PIP5K1B: variants seen among roughly 807,000 people sequenced by gnomAD.
The protein encoded by PIP5K1B is phosphatidylinositol-4-phosphate 5-kinase type 1 beta.
PIP5K1B carries 42 observed loss-of-function variants against 67.0 expected under a neutral mutation model. That is an observed-to-expected ratio of 0.63 (90% CI 0.49 to 0.81). PIP5K1B has a LOEUF of 0.81. Ranked by LOEUF, PIP5K1B falls within the 30% of genes least tolerant of loss-of-function variation. PIP5K1B has a pLI of 0.00. For synonymous variants in PIP5K1B, 214 were observed against 231.4 expected (o/e 0.92, Z 0.68); for missense variants, 459 against 646.3 (o/e 0.71, Z 3.14).
At chr9:68,930,681 A>G (rs1374601411) in intron 12 of PIP5K1B, among the ~76,000 whole-genome samples, 2 of 151,934 alleles carry the variant, frequency 1.3e-5, no homozygotes, top group East Asian at 3.9e-4. Flanking sequence ...ATTTCCACAC[A>G]CACACACTGC....
intron 2 of PIP5K1B, among the ~76,000 whole-genome samples, chr9:68,773,278 G>A (rs1486620488): frequency 1.3e-5 from 2 of 152,252 alleles, no homozygotes; most frequent in Non-Finnish European, 2.9e-5. Flanking sequence ...GGGAAGGATA[G>A]TAGACAGACA....
intron 2 of PIP5K1B, among the ~76,000 whole-genome samples, chr9:68,758,562 A>T (rs1044601507): frequency 6.6e-6 from 1 of 152,124 alleles, no homozygotes; most frequent in Non-Finnish European, 1.5e-5. Context: ...ATTGTACAAT[A>T]CGAACAACAA....
chr9:69,003,058 G>A (rs1031092847), intron 15 of PIP5K1B, among the ~76,000 whole-genome samples: 17 of 152,060 alleles, frequency 1.1e-4, no homozygotes, highest in Admixed American at 7.2e-4. Context: ...AGGGGACCCC[G>A]GAGCCAAGGA....
Position 68,917,740 on chromosome 9 carries a change from A to T in PIP5K1B, c.964A>T (p.Ile322Phe), listed in dbSNP as rs1242263340. The T allele has an allele frequency of 6.2e-7, 1 of 1,613,794 alleles. No homozygotes were observed. Among genetic ancestry groups the T allele is most frequent in the African/African-American group, 1.3e-5 (1 of 74,924 alleles). The change falls in exon 9 of 16, where the codon ATC (isoleucine) becomes TTC (phenylalanine). Residue 322 changes from isoleucine to phenylalanine, a missense_variant. Ile to Phe is a conservative substitution (Grantham distance 21). Coordinates refer to ENST00000265382, the MANE Select transcript of PIP5K1B (RefSeq NM_003558.4). ...QGPGKSGDGI[I>F]TENPDTMGGI... ...TCCAGGGAAATCTGGAGATGGGATA[A>T]TCACAGAGAACCCAGACACGTAAGT... is the stretch of plus-strand genomic sequence containing the variant.
intron 2 of PIP5K1B, among the ~76,000 whole-genome samples, chr9:68,796,322 A>G (rs200751487): frequency 1.6e-3 from 7 of 4,508 alleles, no homozygotes; most frequent in Admixed American, 5.1e-3. Context: ...TTTTTCCTCA[A>G]TTACAATGTT....
intron 4 of PIP5K1B, among the ~76,000 whole-genome samples, chr9:68,824,655 A>T (rs1272867726): frequency 6.6e-6 from 1 of 152,216 alleles, no homozygotes; most frequent in East Asian, 1.9e-4. Context: ...GAAGACCAGC[A>T]CAGCACTTAG....
intron 8 of PIP5K1B, among the ~76,000 whole-genome samples, chr9:68,903,073 A>G (rs2132448695): frequency 6.6e-6 from 1 of 152,326 alleles, no homozygotes; most frequent in Non-Finnish European, 1.5e-5. Flanking sequence ...ATCTAAATCT[A>G]TTCTACAGCC....
chr9:68,732,454 C>T (rs1349267916), intron 1 of PIP5K1B, among the ~76,000 whole-genome samples: 1 of 152,208 alleles, frequency 6.6e-6, no homozygotes, highest in Non-Finnish European at 1.5e-5. Context: ...AATTCATTCT[C>T]TTCCCACGTC....
At chr9:68,784,814 G>A (rs188941144) in intron 2 of PIP5K1B, among the ~76,000 whole-genome samples, 118 of 152,300 alleles carry the variant, frequency 7.7e-4, no homozygotes, top group African/African-American at 2.6e-3. Flanking sequence ...TCTGAAACAG[G>A]AGGGAGAGTG....
chr9:68,954,525 A>G (rs1252367880), intron 14 of PIP5K1B, among the ~76,000 whole-genome samples: 1 of 152,226 alleles, frequency 6.6e-6, no homozygotes, highest in Admixed American at 6.5e-5. Context: ...AAAATCATTA[A>G]TAATGAGTTA....
At chr9:68,773,565 G>C (rs1196946580) in intron 2 of PIP5K1B, among the ~76,000 whole-genome samples, 2 of 152,202 alleles carry the variant, frequency 1.3e-5, no homozygotes, top group African/African-American at 2.4e-5. Context: ...TTGTTTACTT[G>C]AATTGTGCTG....
chr9:68,981,935 G>C (rs1310950746), intron 14 of PIP5K1B, among the ~76,000 whole-genome samples: 1 of 152,144 alleles, frequency 6.6e-6, no homozygotes, highest in African/African-American at 2.4e-5. Flanking sequence ...TGACTTGTTC[G>C]GAGAGCAGAG....
At chr9:68,713,351 A>G (rs1239769741) in intron 1 of PIP5K1B, among the ~76,000 whole-genome samples, 1 of 152,202 alleles carries the variant, frequency 6.6e-6, no homozygotes, top group African/African-American at 2.4e-5. Flanking sequence ...ATGAGCCAAG[A>G]TCGCACCATT....
chr9:68,940,319 A>G (rs1361221824), intron 13 of PIP5K1B, among the ~76,000 whole-genome samples: 1 of 152,190 alleles, frequency 6.6e-6, no homozygotes, highest in Non-Finnish European at 1.5e-5. Context: ...ATCTCTGCCA[A>G]ATTGTCTGCT....
At chr9:68,843,695 G>C (rs940320369) in intron 4 of PIP5K1B, among the ~76,000 whole-genome samples, 2 of 152,174 alleles carry the variant, frequency 1.3e-5, no homozygotes, top group African/African-American at 4.8e-5. Context: ...TAAATTCGGA[G>C]AGTGAGCCAC....
intron 2 of PIP5K1B, chr9:68,788,751 T>C: frequency 3.7e-6 from 1 of 272,060 alleles, no homozygotes; most frequent in Non-Finnish European, 7.5e-6. Flanking sequence ...TATCACTCCC[T>C]CTGTGGTCTT....
intron 14 of PIP5K1B, among the ~76,000 whole-genome samples, chr9:68,965,246 A>AAGAT (rs1366603510): frequency 2.0e-5 from 3 of 152,248 alleles, no homozygotes; most frequent in African/African-American, 7.2e-5. Context: ...GAATATATAT[A>AAGAT]AGATACATAT....
At position 68,891,781 on chromosome 9, in the gene PIP5K1B, A is replaced by G. The variant is rs899513730; in HGVS notation, c.472-2558A>G. 3.9e-5 allele frequency among the ~76,000 whole-genome samples: 6 copies of G among 152,362 alleles called. No individual in the cohort carries two copies. In the East Asian group the frequency reaches 1.2e-3, roughly 29 times the overall value. On this transcript the variant is annotated intron_variant, in intron 7 of 15. Transcript: ENST00000265382. ...TATGACTCCAGCAGATTTGCAGGAT[A>G]AAAGGTAAATCTACAAAATCCATTA...
chr9:68,849,300 G>T (rs1041927376), intron 4 of PIP5K1B, among the ~76,000 whole-genome samples: 1 of 152,142 alleles, frequency 6.6e-6, no homozygotes, highest in African/African-American at 2.4e-5. Flanking sequence ...CAAATAATGA[G>T]ATCTGTATAG....
Sources: gnomAD v4.1 joint callset for allele counts (sites outside exome capture counted in the v4.1 genomes callset) on GRCh38, gnomAD v4.1.1 for gene constraint, MANE v1.5 for transcripts, NCBI Gene and HGNC (gene_info 2026-07-23, HGNC 2026-07-21) for gene names.